Variants in SLC12A8 observed in about 807,000 individuals in gnomAD.
SLC12A8 encodes the protein solute carrier family 12 member 8.
Under a neutral mutation model 75.6 loss-of-function variants are expected in SLC12A8, and 69 were observed. The observed-to-expected ratio is 0.91, with a 90% CI of 0.75 to 1.11. SLC12A8 has a LOEUF of 1.11. SLC12A8 is among the 50% of genes most tolerant of loss of function. The pLI is 0.00. For missense variants in SLC12A8, 877 were observed against 896.7 expected (o/e 0.98, Z 0.28); for synonymous variants, 365 against 372.8 (o/e 0.98, Z 0.24).
chr3:125,166,848 T>C (rs1038858275), intron 5 of SLC12A8, among the ~76,000 whole-genome samples: 1 of 152,166 alleles, frequency 6.6e-6, no homozygotes, highest in African/African-American at 2.4e-5. Flanking sequence ...TATGATACAA[T>C]GTATATAAAA....
Position 125,108,114 on chromosome 3 carries a change from T to C in SLC12A8, c.1072A>G (p.Lys358Glu). ...ACLGQGKGPN[K>E]TPVAAICLTS... ...AGGCAGATGGCAGCCACGGGTGTTT[T>C]GTTTGGCCCCTTCTGCAGGAACAAA... Residue 358 changes from lysine to glutamate, a missense_variant, in exon 10 of 14, where the codon AAA becomes GAA. By Grantham distance (56) the Lys-to-Glu change is moderately conservative (BLOSUM62 1). Transcript: ENST00000469902. The C allele has an allele frequency of 6.2e-7, 1 of 1,612,912 alleles. No homozygotes were observed. Among genetic ancestry groups the C allele is most frequent in the Non-Finnish European group, 8.5e-7 (1 of 1,179,192 alleles).
chr3:125,122,492 C>G (rs2107752156), intron 6 of SLC12A8, among the ~76,000 whole-genome samples: 1 of 152,196 alleles, frequency 6.6e-6, no homozygotes, highest in South Asian at 2.1e-4. Context: ...GAGGAGGACC[C>G]TAAGTAGATG....
chr3:125,082,760 TG>T lies in SLC12A8; in HGVS notation c.*1129del, dbSNP rs1938357873. On this transcript the variant is annotated 3_prime_UTR_variant, in exon 14 of 14. Transcript: ENST00000469902. ...GAATTTATCCTAGAGATACACTTTA[TG>T]CTTGCACATTTGTACAAGATTATTC... 1 of 152,258 alleles carries T rather than the reference TG, an allele frequency of 6.6e-6. No individual in the cohort carries two copies. Among genetic ancestry groups the T allele is most frequent in the Non-Finnish European group, 1.5e-5 (1 of 68,044 alleles). 9.4% of individuals were successfully genotyped at this position (152,258 alleles called of 1,614,324 possible). A position where few individuals can be genotyped will look rare whatever the true frequency, so the allele number is the denominator to read the frequency against.
intron 2 of SLC12A8, among the ~76,000 whole-genome samples, chr3:125,194,875 C>T (rs1489881305): frequency 6.6e-6 from 1 of 152,246 alleles, no homozygotes; most frequent in African/African-American, 2.4e-5. Flanking sequence ...TATACCCAAG[C>T]TGCTGCTGAA....
rs751327454 is a variant in SLC12A8, at chr3:125,118,854, C to T, written c.827G>A (p.Trp276Ter). The change falls in exon 8 of 14, where the codon TGG becomes TAG. Residue 276 changes from tryptophan to a stop codon, truncating the protein, a stop_gained and splice_region_variant. Transcript: ENST00000469902. LOFTEE classifies it high-confidence loss of function. ...LGSLAAVGIS[W>*]FLYIIFVFLL... ...GAAGACGAAGATGATGTACAGAAAC[C>T]ACCTGCAAAACCCAAGAGCAGAACA... The T allele has an allele frequency of 6.2e-6, 10 of 1,611,922 alleles. No individual in the cohort carries two copies. Among genetic ancestry groups the T allele is most frequent in the South Asian group, 1.1e-5 (1 of 90,988 alleles).
intron 5 of SLC12A8, among the ~76,000 whole-genome samples, chr3:125,148,624 G>A (rs548427676): frequency 6.6e-6 from 1 of 152,198 alleles, no homozygotes; most frequent in African/African-American, 2.4e-5. Context: ...CCACCTCTGG[G>A]TTCACTCCCA....
At chr3:125,107,026 A>C (rs1939044823) in intron 10 of SLC12A8, among the ~76,000 whole-genome samples, 1 of 152,216 alleles carries the variant, frequency 6.6e-6, no homozygotes, top group South Asian at 2.1e-4. Context: ...TATAGATTTG[A>C]GAAAACAAAG....
At chr3:125,108,255 T>C (rs1192658738) in intron 9 of SLC12A8, 129 bp from the exon 10 acceptor site, 3 of 931,494 alleles carry the variant, frequency 3.2e-6, no homozygotes, top group Non-Finnish European at 4.7e-6. Flanking sequence ...ATTATTCATC[T>C]ATAAACTTGA....
intron 8 of SLC12A8, among the ~76,000 whole-genome samples, chr3:125,114,441 T>C (rs1265499574): frequency 6.6e-6 from 1 of 152,234 alleles, no homozygotes; most frequent in Non-Finnish European, 1.5e-5. Context: ...TTTTGTATTT[T>C]TGAGACAGAG....
chr3:125,144,078 A>G (rs922974390), intron 5 of SLC12A8, among the ~76,000 whole-genome samples: 2 of 152,186 alleles, frequency 1.3e-5, no homozygotes, highest in South Asian at 4.1e-4. Context: ...TTTTGCCTAG[A>G]GAGGCCTACA....
At chr3:125,100,423 T>A (rs886944996) in intron 10 of SLC12A8, among the ~76,000 whole-genome samples, 6 of 151,686 alleles carry the variant, frequency 4.0e-5, no homozygotes, top group Admixed American at 1.3e-4. Context: ...TATTATTTTT[T>A]AAAAATGGAG....
intron 9 of SLC12A8, among the ~76,000 whole-genome samples, chr3:125,109,400 C>T (rs541297390): frequency 5.9e-5 from 9 of 152,306 alleles, no homozygotes; most frequent in East Asian, 3.9e-4. Flanking sequence ...GGATCTCAAA[C>T]GGACTATGTC....
chr3:125,096,099 T>C (rs1487206748), intron 10 of SLC12A8, among the ~76,000 whole-genome samples: 1 of 152,212 alleles, frequency 6.6e-6, no homozygotes, highest in Non-Finnish European at 1.5e-5. Flanking sequence ...ACTGGGCCTC[T>C]GCCATTCTTG....
intron 5 of SLC12A8, among the ~76,000 whole-genome samples, chr3:125,169,722 C>A (rs143042212): frequency 9.3e-4 from 141 of 152,302 alleles, no homozygotes; most frequent in African/African-American, 3.3e-3. Context: ...GAAAGACCTG[C>A]AGAAACGAAC....
At chr3:125,104,507 G>GAAA (rs35777145) in intron 10 of SLC12A8, among the ~76,000 whole-genome samples, 8 of 125,218 alleles carry the variant, frequency 6.4e-5, no homozygotes, top group African/African-American at 2.3e-4. Context: ...GTTCAAATTA[G>GAAA]AAAAAAAAAA....
intron 5 of SLC12A8, among the ~76,000 whole-genome samples, chr3:125,169,171 C>T (rs950467104): frequency 2.0e-5 from 3 of 152,246 alleles, no homozygotes; most frequent in South Asian, 4.1e-4. Flanking sequence ...ATCATTTTGG[C>T]ATGACACTCA....
Position 125,118,870 on chromosome 3 carries a change from GAGC to G in SLC12A8, c.825-17_825-15del, listed in dbSNP as rs770120205. On this transcript the variant is annotated splice_polypyrimidine_tract_variant and intron_variant, in intron 7 of 13. Transcript: ENST00000469902. ...TACAGAAACCACCTGCAAAACCCAA[GAGC>G]AGAACAGAGCTGCCCCCGACTCACC... 4 of 1,569,364 alleles carry G rather than the reference GAGC, an allele frequency of 2.5e-6. No homozygotes were observed. The highest frequency in any genetic ancestry group is 2.7e-5 in the African/African-American group (2 of 73,882).
chr3:125,104,874 C>A (rs994586728), intron 10 of SLC12A8, among the ~76,000 whole-genome samples: 2 of 152,120 alleles, frequency 1.3e-5, no homozygotes, highest in Non-Finnish European at 2.9e-5. Flanking sequence ...GGCGTGACCC[C>A]AGCAACCACA....
chr3:125,164,460 C>T (rs560225967), intron 5 of SLC12A8, among the ~76,000 whole-genome samples: 1 of 152,348 alleles, frequency 6.6e-6, no homozygotes, highest in African/African-American at 2.4e-5. Flanking sequence ...TCGTCACACA[C>T]ATCCACACCC....
Sources: allele counts gnomAD v4.1 joint callset (sites outside exome capture counted in the v4.1 genomes callset), GRCh38; gene constraint gnomAD v4.1.1; transcripts MANE v1.5; gene names NCBI Gene and HGNC (gene_info 2026-07-23, HGNC 2026-07-21).